The following ST3GAL3 variants were observed in gnomAD, a reference collection of about 807,000 sequenced individuals.
ST3GAL3 encodes the protein ST3 beta-galactoside alpha-2,3-sialyltransferase 3, also known as CMP-N-acetylneuraminate-beta-1,4-galactoside alpha-2,3-sialyltransferase.
Under a neutral mutation model 50.1 loss-of-function variants are expected in ST3GAL3, and 21 were observed. That is an observed-to-expected ratio of 0.42 (90% CI 0.30 to 0.60). The LOEUF is 0.60. Ranked by LOEUF, ST3GAL3 falls within the 20% of genes least tolerant of loss-of-function variation. The probability of loss-of-function intolerance (pLI) is 0.19; values close to 1 mark genes in which losing one functional copy is unlikely to be tolerated. For missense variants in ST3GAL3, 353 were observed against 489.4 expected (o/e 0.72, Z 2.63); for synonymous variants, 183 against 190.0 (o/e 0.96, Z 0.30).
At chr1:43,849,274 G>A (rs2066842787) in intron 5 of ST3GAL3, among the ~76,000 whole-genome samples, 2 of 147,838 alleles carry the variant, frequency 1.4e-5, no homozygotes, top group African/African-American at 5.0e-5. Context: ...AGTATTTCTT[G>A]GTATTTTGAT....
intron 11 of ST3GAL3, among the ~76,000 whole-genome samples, chr1:43,924,388 T>C (rs1261078988): frequency 6.6e-6 from 1 of 152,266 alleles, no homozygotes; most frequent in African/African-American, 2.4e-5. Context: ...ATCTTTGGTC[T>C]TTTACAAATG....
intron 1 of ST3GAL3, among the ~76,000 whole-genome samples, chr1:43,726,068 GA>G (rs1672798183): frequency 6.6e-6 from 1 of 151,932 alleles, no homozygotes; most frequent in Non-Finnish European, 1.5e-5. Context: ...ATGTTTATTT[GA>G]ACATTTAGTT....
chr1:43,777,245 A>C (rs907003611), intron 2 of ST3GAL3, among the ~76,000 whole-genome samples: 3 of 152,220 alleles, frequency 2.0e-5, no homozygotes, highest in African/African-American at 7.2e-5. Context: ...ATAATTCCTT[A>C]GTGTCTTCCA....
At chr1:43,778,942 C>T (rs1281024990) in intron 2 of ST3GAL3, among the ~76,000 whole-genome samples, 2 of 151,014 alleles carry the variant, frequency 1.3e-5, no homozygotes, top group African/African-American at 4.9e-5. Flanking sequence ...CCACTGCGCC[C>T]GGCCATTCTT....
intron 5 of ST3GAL3, among the ~76,000 whole-genome samples, chr1:43,881,489 C>T (rs1015162501): frequency 6.6e-6 from 1 of 152,222 alleles, no homozygotes; most frequent in South Asian, 2.1e-4. Context: ...GAGGCAGGGG[C>T]GCCTGCCTGA....
intron 5 of ST3GAL3, among the ~76,000 whole-genome samples, chr1:43,849,211 T>G (rs1489396181): frequency 1.3e-5 from 2 of 151,794 alleles, no homozygotes; most frequent in East Asian, 3.8e-4. Flanking sequence ...GTTTTGTGTG[T>G]TAGGAATGAG....
At chr1:43,866,200 G>A (rs1229967217) in intron 5 of ST3GAL3, among the ~76,000 whole-genome samples, 3 of 152,238 alleles carry the variant, frequency 2.0e-5, no homozygotes, top group African/African-American at 7.2e-5. Context: ...CTGTAAGCCT[G>A]CAGGACAGGG....
intron 2 of ST3GAL3, among the ~76,000 whole-genome samples, chr1:43,780,481 T>C (rs768906619): frequency 3.3e-5 from 5 of 152,202 alleles, no homozygotes; most frequent in Non-Finnish European, 7.3e-5. Flanking sequence ...TATTGAGTTA[T>C]TCTTTTCAGC....
Position 43,723,262 on chromosome 1 carries a change from C to A in ST3GAL3, c.-30-12971C>A, listed in dbSNP as rs1031341400. 3.3e-5 allele frequency among the ~76,000 whole-genome samples: 5 copies of A among 152,224 alleles called. 1 individual carries two copies. The highest frequency in any genetic ancestry group is 2.9e-5 in the Non-Finnish European group (2 of 67,998). On this transcript the variant is annotated intron_variant, in intron 1 of 11. Coordinates refer to ENST00000347631, the MANE Select transcript of ST3GAL3 (RefSeq NM_006279.5). ...TAGCTGGGATTACAGGCACGCACCA[C>A]CACACCCAGCTAAGTTTTGTATTTT...
chr1:43,726,133 A>G (rs957763783), intron 1 of ST3GAL3, among the ~76,000 whole-genome samples: 3 of 152,128 alleles, frequency 2.0e-5, no homozygotes, highest in Admixed American at 1.3e-4. Flanking sequence ...CTTATTTACA[A>G]AAGAGTTGTA....
chr1:43,836,205 T>G (rs562641810), intron 4 of ST3GAL3, among the ~76,000 whole-genome samples: 1 of 152,344 alleles, frequency 6.6e-6, no homozygotes, highest in South Asian at 2.1e-4. Context: ...AGTTCTGTAA[T>G]TGCACTGAGG....
At chr1:43,763,305 T>G (rs1483085286) in intron 2 of ST3GAL3, among the ~76,000 whole-genome samples, 6 of 152,212 alleles carry the variant, frequency 3.9e-5, no homozygotes, top group Non-Finnish European at 8.8e-5. Context: ...TCTTTGGGGC[T>G]TATAATGTTT....
In ST3GAL3 at chr1:43,770,175, A is replaced by G. The variant is rs1002210262; in HGVS notation, c.119-21927A>G. On this transcript the variant is annotated intron_variant, in intron 2 of 11. Coordinates refer to ENST00000347631, the MANE Select transcript of ST3GAL3 (RefSeq NM_006279.5). ...ATATTCTCTAGTAAAAGTCTTTGTA[A>G]GACTAACTATGAAAGAGAGAGGAGA... Among the ~76,000 whole-genome samples the G allele has an allele frequency of 4.7e-5, 7 of 148,906 alleles. No individual in the cohort carries two copies. The East Asian group carries it at 1.4e-3, about 31-fold the overall frequency.
intron 11 of ST3GAL3, among the ~76,000 whole-genome samples, chr1:43,922,768 C>T (rs1276033145): frequency 6.8e-6 from 1 of 146,752 alleles, no homozygotes; most frequent in African/African-American, 2.5e-5. Context: ...CCACTGCACT[C>T]CAGCCTGGGC....
intron 2 of ST3GAL3, among the ~76,000 whole-genome samples, chr1:43,766,861 T>C (rs1314064128): frequency 2.0e-5 from 3 of 151,940 alleles, no homozygotes; most frequent in African/African-American, 7.3e-5. Context: ...CTCAGCAAAA[T>C]AAGAGGAAGT....
chr1:43,909,442 A>G (rs185544998), intron 9 of ST3GAL3, among the ~76,000 whole-genome samples: 1 of 152,334 alleles, frequency 6.6e-6, no homozygotes, highest in East Asian at 1.9e-4. Flanking sequence ...TCTGCCTTTC[A>G]GTTGCCTGTT....
intron 2 of ST3GAL3, among the ~76,000 whole-genome samples, chr1:43,769,392 C>T (rs1473945833): frequency 1.3e-5 from 2 of 152,054 alleles, no homozygotes; most frequent in African/African-American, 2.4e-5. Context: ...GAGCTGAATG[C>T]CTAGCCTGGT....
rs763497719 is a variant in ST3GAL3, at chr1:43,792,088, C to G, written c.119-14C>G. On this transcript the variant is annotated splice_polypyrimidine_tract_variant and intron_variant, in intron 2 of 11. Transcript: ENST00000347631. ...AGAAGGAGAAAGAAATGAACTTGTC[C>G]TCTTGTGTTGCAGATTCAGTGGTTC... The G allele has an allele frequency of 8.1e-6, 13 of 1,614,130 alleles. No individual in the cohort carries two copies. In the South Asian group the frequency reaches 1.3e-4, roughly 16 times the overall value.
chr1:43,723,255 C>A (rs567328758), intron 1 of ST3GAL3, among the ~76,000 whole-genome samples: 8 of 151,962 alleles, frequency 5.3e-5, no homozygotes, highest in African/African-American at 1.9e-4. Flanking sequence ...ATTACAGGCA[C>A]GCACCACCAC....
Sources: gnomAD v4.1 joint callset for allele counts (sites outside exome capture counted in the v4.1 genomes callset) on GRCh38, gnomAD v4.1.1 for gene constraint, MANE v1.5 for transcripts, NCBI Gene and HGNC (gene_info 2026-07-23, HGNC 2026-07-21) for gene names.